NF1: variants seen among roughly 807,000 people sequenced by gnomAD.
NF1 encodes neurofibromin.
A neutral mutation model predicts 325.7 loss-of-function variants in NF1; 122 were observed. That is an observed-to-expected ratio of 0.37 (90% confidence interval 0.32 to 0.44). The LOEUF (loss-of-function observed/expected upper bound fraction) is 0.44. Ranked by LOEUF, NF1 falls within the 20% of genes least tolerant of loss-of-function variation. The probability of loss-of-function intolerance (pLI) is 1.00; values close to 1 mark genes in which losing one functional copy is unlikely to be tolerated. For synonymous variants in NF1, 1,091 were observed against 1,186.0 expected (o/e 0.92, Z 1.65); for missense variants, 2,140 against 3,415.4 (o/e 0.63, Z 9.31).
intron 36 of NF1, among the ~76,000 whole-genome samples, chr17:31,310,612 T>G (rs533503538): frequency 1.3e-5 from 2 of 152,298 alleles, no homozygotes; most frequent in African/African-American, 2.4e-5. Context: ...TCCTGTCTGC[T>G]GTGAGTATCC....
chr17:31,365,297 A>AAAAAAAAAAAAG (rs397975647), intron 57 of NF1, among the ~76,000 whole-genome samples: 1 of 148,656 alleles, frequency 6.7e-6, no homozygotes, highest in African/African-American at 2.5e-5. Flanking sequence ...AAAAAAAAAA[A>AAAAAAAAAAAAG]GAAGGAAAGA....
chr17:31,131,004 C>T (rs188929077), intron 1 of NF1, among the ~76,000 whole-genome samples: 1 of 152,152 alleles, frequency 6.6e-6, no homozygotes, highest in Non-Finnish European at 1.5e-5. Flanking sequence ...TGCAAGCATC[C>T]TGGCCAGGCT....
intron 1 of NF1, among the ~76,000 whole-genome samples, chr17:31,124,259 CTT>C: frequency 1.3e-5 from 2 of 151,846 alleles, no homozygotes; most frequent in South Asian, 4.2e-4. Context: ...GAGCCAGGGC[CTT>C]GCCTTGTTGC....
At chr17:31,196,274 T>G (rs2066431931) in intron 8 of NF1, among the ~76,000 whole-genome samples, 1 of 152,086 alleles carries the variant, frequency 6.6e-6, no homozygotes, top group Non-Finnish European at 1.5e-5. Context: ...TTTTTCTGTT[T>G]CATTAATTTT....
At chr17:31,222,347 GAATT>G (rs926424154) in intron 15 of NF1, 5 of 1,038,298 alleles carry the variant, frequency 4.8e-6, no homozygotes, top group Non-Finnish European at 4.6e-6. Flanking sequence ...TTCGATGAAT[GAATT>G]AATAATGGAC....
intron 33 of NF1, 22 bp from the exon 34 acceptor site, chr17:31,260,347 T>C (rs373847117): frequency 6.2e-7 from 1 of 1,612,602 alleles, no homozygotes; most frequent in Non-Finnish European, 8.5e-7. Flanking sequence ...TTGAAAATTC[T>C]AATGACTTTG....
chr17:31,239,433 G>A (rs1046804194), intron 29 of NF1, among the ~76,000 whole-genome samples: 18 of 152,060 alleles, frequency 1.2e-4, no homozygotes, highest in Admixed American at 5.2e-4. Context: ...AATTTGTGGG[G>A]TTTAATAAAA....
chr17:31,141,607 C>G (rs965447999), intron 1 of NF1, among the ~76,000 whole-genome samples: 2 of 152,152 alleles, frequency 1.3e-5, no homozygotes, highest in African/African-American at 4.8e-5. Context: ...TATTAGTTAT[C>G]TATTGCTGCA....
chr17:31,273,480 C>T (rs2067943337), intron 36 of NF1: 3 of 152,182 alleles, frequency 2.0e-5, no homozygotes, highest in South Asian at 4.1e-4. Context: ...AAGTCTGTGA[C>T]TTAAAGCCCA....
At chr17:31,280,431 C>A (rs1051406243) in intron 36 of NF1, among the ~76,000 whole-genome samples, 1 of 146,674 alleles carries the variant, frequency 6.8e-6, no homozygotes, top group Admixed American at 7.0e-5. Flanking sequence ...GCAGGAGAAT[C>A]GCTTGAACCC....
At chr17:31,249,743 A>G (rs776747788) in intron 30 of NF1, among the ~76,000 whole-genome samples, 4 of 152,148 alleles carry the variant, frequency 2.6e-5, no homozygotes, top group African/African-American at 7.2e-5. Flanking sequence ...AATTCGGTCT[A>G]TGTTCTTTTA....
chr17:31,240,973 G>T (rs2067286103), intron 29 of NF1, among the ~76,000 whole-genome samples: 1 of 152,108 alleles, frequency 6.6e-6, no homozygotes, highest in South Asian at 2.1e-4. Flanking sequence ...TGCCTCCTGG[G>T]TTCAAGTGAT....
chr17:31,096,053 C>T (rs573564594), intron 1 of NF1, among the ~76,000 whole-genome samples: 11 of 151,606 alleles, frequency 7.3e-5, no homozygotes, highest in Admixed American at 7.2e-4. Context: ...ACACAGACTG[C>T]CTTTTTTTTT....
intron 29 of NF1, among the ~76,000 whole-genome samples, chr17:31,240,044 G>A (rs1350895214): frequency 2.0e-5 from 3 of 152,148 alleles, no homozygotes; most frequent in South Asian, 2.1e-4. Flanking sequence ...GATTACAGGC[G>A]TCAGCCACCG....
At position 31,350,339 on chromosome 17, in the gene NF1, A is replaced by G. The variant is rs17881641; in HGVS notation, c.7457+21A>G. 2,768 of 1,602,294 alleles carry G rather than the reference A, an allele frequency of 1.7e-3. 40 individuals are homozygous for G. The African/African-American group carries it at 0.032, about 19-fold the overall frequency. Reference sequence around the variant, plus strand: ...TATAGGTAAGTGGATTTACTCTCCTATAATTACATAATCATAATCAAGTTT... The same window carrying G: ...TATAGGTAAGTGGATTTACTCTCCTGTAATTACATAATCATAATCAAGTTT... On this transcript the variant is annotated intron_variant, in intron 50 of 57. Coordinates refer to ENST00000358273, the MANE Select transcript of NF1 (RefSeq NM_001042492.3).
chr17:31,106,119 G>A (rs887537321), intron 1 of NF1, among the ~76,000 whole-genome samples: 8 of 152,128 alleles, frequency 5.3e-5, no homozygotes, highest in African/African-American at 1.7e-4. Context: ...TACCACTTTA[G>A]ACTTGTGAGG....
At chr17:31,179,974 C>G (rs960659134) in intron 5 of NF1, among the ~76,000 whole-genome samples, 3 of 152,214 alleles carry the variant, frequency 2.0e-5, no homozygotes, top group Non-Finnish European at 4.4e-5. Context: ...ATAAACACCT[C>G]TGTGCAAATA....
chr17:31,318,664 T>C (rs1182713958), intron 36 of NF1: 7 of 1,614,028 alleles, frequency 4.3e-6, no homozygotes, highest in African/African-American at 1.3e-5. Context: ...AATTTCACCA[T>C]GACTTTTGCT....
chr17:31,263,108 T>C, intron 35 of NF1, among the ~76,000 whole-genome samples: 1 of 74,656 alleles, frequency 1.3e-5, no homozygotes, highest in African/African-American at 5.2e-5. Context: ...GGTAGGTAGG[T>C]AGATAGATAG....
Sources: gnomAD v4.1 joint callset for allele counts (sites outside exome capture counted in the v4.1 genomes callset) on GRCh38, gnomAD v4.1.1 for gene constraint, MANE v1.5 for transcripts, NCBI Gene and HGNC (gene_info 2026-07-23, HGNC 2026-07-21) for gene names.